Variants in SLC41A3 observed in about 807,000 individuals in gnomAD.
SLC41A3 encodes solute carrier family 41 member 3.
In SLC41A3, 44 loss-of-function variants were observed where a neutral mutation model predicts 45.4. That is an observed-to-expected ratio of 0.97 (90% CI 0.76 to 1.25). SLC41A3 has a LOEUF of 1.25. Ranked by LOEUF, SLC41A3 falls within the 50% of genes most tolerant of loss-of-function variation. The probability of loss-of-function intolerance (pLI) is 0.00; values close to 1 mark genes in which losing one functional copy is unlikely to be tolerated. For synonymous variants in SLC41A3, 256 were observed against 252.4 expected, an observed-to-expected ratio of 1.01 and a Z score of -0.13; for missense variants, 550 against 600.6, an observed-to-expected ratio of 0.92 and a Z score of 0.88.
At chr3:126,098,050 G>C (rs1370679366) in intron 1 of SLC41A3, among the ~76,000 whole-genome samples, 2 of 152,144 alleles carry the variant, frequency 1.3e-5, no homozygotes, top group Non-Finnish European at 2.9e-5. Context: ...AGTTTTCAGT[G>C]GAAACTAAAG....
intron 9 of SLC41A3, among the ~76,000 whole-genome samples, chr3:126,011,618 A>G (rs906116100): frequency 1.3e-4 from 20 of 152,242 alleles, no homozygotes; most frequent in African/African-American, 4.6e-4. Flanking sequence ...AACCCCAAAA[A>G]GTCCATACCA....
chr3:126,008,167 G>A (rs182106309), intron 10 of SLC41A3, among the ~76,000 whole-genome samples: 22 of 152,356 alleles, frequency 1.4e-4, no homozygotes, highest in African/African-American at 4.6e-4. Flanking sequence ...TGTGCTGCGC[G>A]CAGTGTGTGG....
At chr3:126,035,922 T>C (rs1458760357) in intron 3 of SLC41A3, among the ~76,000 whole-genome samples, 1 of 151,844 alleles carries the variant, frequency 6.6e-6, no homozygotes, top group African/African-American at 2.4e-5. Flanking sequence ...TCAGGGGAAA[T>C]AGCTGCAGGC....
chr3:126,014,879 C>T (rs1393529836), intron 8 of SLC41A3, among the ~76,000 whole-genome samples: 1 of 152,180 alleles, frequency 6.6e-6, no homozygotes, highest in Non-Finnish European at 1.5e-5. Flanking sequence ...TCCACACAAA[C>T]CCCACAGGGT....
chr3:126,087,307 G>T (rs576306416), upstream of SLC41A3, among the ~76,000 whole-genome samples: 11 of 152,018 alleles, frequency 7.2e-5, no homozygotes, highest in Non-Finnish European at 1.5e-4. Flanking sequence ...ATGGTTAACA[G>T]GGAAATAACT....
At chr3:126,056,133 G>C (rs1436459722) in intron 2 of SLC41A3, among the ~76,000 whole-genome samples, 1 of 152,138 alleles carries the variant, frequency 6.6e-6, no homozygotes, top group Non-Finnish European at 1.5e-5. Flanking sequence ...CTAAGGTTCT[G>C]ACAAACCTCC....
intron 1 of SLC41A3, among the ~76,000 whole-genome samples, chr3:126,080,686 C>G (rs1576372866): frequency 6.6e-6 from 1 of 152,222 alleles, no homozygotes; most frequent in Non-Finnish European, 1.5e-5. Context: ...TGCAGTGGCT[C>G]AAGCCTGTAA....
intron 1 of SLC41A3, among the ~76,000 whole-genome samples, chr3:126,080,308 C>T (rs1945087130): frequency 6.6e-6 from 1 of 152,078 alleles, no homozygotes. Context: ...TGAAACCACT[C>T]ATCTCACAAG....
At chr3:126,065,450 G>C (rs1007320775) in intron 2 of SLC41A3, among the ~76,000 whole-genome samples, 1 of 152,226 alleles carries the variant, frequency 6.6e-6, no homozygotes, top group African/African-American at 2.4e-5. Flanking sequence ...GCACTGAACT[G>C]AACACTAACC....
At chr3:126,015,809 C>T (rs1940222158) in intron 7 of SLC41A3, among the ~76,000 whole-genome samples, 1 of 152,240 alleles carries the variant, frequency 6.6e-6, no homozygotes, top group Admixed American at 6.5e-5. Flanking sequence ...CATCCGAGAA[C>T]ACCCACTTAT....
At chr3:126,017,554 T>A (rs1461678970) in intron 6 of SLC41A3, among the ~76,000 whole-genome samples, 2 of 152,206 alleles carry the variant, frequency 1.3e-5, no homozygotes, top group Non-Finnish European at 2.9e-5. Context: ...CACTCGGGCA[T>A]CTCGTGCATT....
intron 2 of SLC41A3, chr3:126,056,718 C>G: frequency 1.4e-6 from 2 of 1,436,608 alleles, no homozygotes; most frequent in Non-Finnish European, 1.8e-6. Context: ...CCAACAGCCC[C>G]TCGGCTGAGG....
rs114395180 is a variant in SLC41A3 at position 126,091,017 on chromosome 3, G to C, written c.-79+10412C>G. On this transcript the variant is annotated intron_variant, in intron 1 of 9. Transcript: ENST00000508835. Reference sequence around the variant, plus strand: ...TGGCTCCAATCCCCTTCTAGGATGTGTGCCCAGATCAGCACACACCTACAA... The same window carrying C: ...TGGCTCCAATCCCCTTCTAGGATGTCTGCCCAGATCAGCACACACCTACAA... Among the ~76,000 whole-genome samples the C allele has an allele frequency of 7.4e-3, 1,120 of 152,202 alleles. 13 individuals carry two copies. The highest frequency in any genetic ancestry group is 0.025 in the African/African-American group (1,058 of 41,532).
At chr3:126,015,464 G>A (rs1169677449) in intron 8 of SLC41A3, 30 bp downstream of exon 8, 3 of 1,612,290 alleles carry the variant, frequency 1.9e-6, no homozygotes, top group African/African-American at 2.7e-5. Context: ...CCCAACCCAG[G>A]GACCACATGG....
intron 3 of SLC41A3, among the ~76,000 whole-genome samples, chr3:126,048,566 C>A (rs34828359): frequency 0.29 from 43,654 of 151,930 alleles, 6,382 homozygotes; most frequent in African/African-American, 0.33. Context: ...CTCTCCCTTT[C>A]CAATATTTAA....
rs1459578495 is a variant in SLC41A3 at position 126,083,330 on chromosome 3, G to A, written c.-28+763C>T. ...TGGGACCACAGTTTGAAAACCACTGGTGTAAAAAAAGCCTTCTAAAAAAAA... is the reference window on the plus strand; with the variant it reads ...TGGGACCACAGTTTGAAAACCACTGATGTAAAAAAAGCCTTCTAAAAAAAA... On this transcript the variant is annotated intron_variant, in intron 1 of 10. Coordinates refer to ENST00000360370, the MANE Select transcript of SLC41A3 (RefSeq NM_017836.4). Among the ~76,000 whole-genome samples, 3 of 152,088 alleles carry A rather than the reference G, an allele frequency of 2.0e-5. No homozygotes were observed. The East Asian group carries it at 5.8e-4, about 29-fold the overall frequency.
intron 2 of SLC41A3, among the ~76,000 whole-genome samples, chr3:126,054,859 C>T (rs1361040714): frequency 6.6e-6 from 1 of 152,102 alleles, no homozygotes; most frequent in East Asian, 1.9e-4. Context: ...GCTCTCAGCA[C>T]AGCTCTAGGA....
At chr3:126,066,280 A>C (rs958767748) in intron 2 of SLC41A3, among the ~76,000 whole-genome samples, 1 of 152,148 alleles carries the variant, frequency 6.6e-6, no homozygotes, top group Non-Finnish European at 1.5e-5. Flanking sequence ...CAGGAATGTC[A>C]CCCTCTAAGT....
intron 8 of SLC41A3, among the ~76,000 whole-genome samples, chr3:126,014,780 T>C (rs989634961): frequency 1.3e-5 from 2 of 152,198 alleles, no homozygotes; most frequent in African/African-American, 4.8e-5. Context: ...ACAAAACATG[T>C]TTTGTTCTTC....
Sources: gnomAD v4.1 joint callset for allele counts (sites outside exome capture counted in the v4.1 genomes callset) on GRCh38, gnomAD v4.1.1 for gene constraint, MANE v1.5 for transcripts, NCBI Gene and HGNC (gene_info 2026-07-23, HGNC 2026-07-21) for gene names.